Variants in ERMP1 observed in about 807,000 individuals in gnomAD.
ERMP1 encodes Felix-ina.
A neutral mutation model predicts 92.0 loss-of-function variants in ERMP1; 86 were observed. The observed-to-expected ratio is 0.93, with a 90% CI of 0.79 to 1.12. The LOEUF (loss-of-function observed/expected upper bound fraction) is 1.12, where lower values mean the gene tolerates loss of function less well. Among genes scored for constraint, ERMP1 ranks in the 50% most tolerant of loss-of-function variants. ERMP1 has a pLI of 0.00. For synonymous variants in ERMP1, 530 were observed against 412.8 expected (o/e 1.28, Z -3.44); for missense variants, 1,342 against 1,116.3 (o/e 1.20, Z -2.88).
chr9:5,861,712 G>T (rs530347408), intron 5 of ERMP1, among the ~76,000 whole-genome samples: 1 of 127,732 alleles, frequency 7.8e-6, no homozygotes, highest in Non-Finnish European at 1.6e-5. Flanking sequence ...GAGAAGAGAG[G>T]AAGGGTTTTT....
chr9:5,822,412 T>C (rs75256408), intron 4 of ERMP1, among the ~76,000 whole-genome samples: 1,752 of 152,296 alleles, frequency 0.012, 44 homozygotes, highest in African/African-American at 0.04. Context: ...TCTGACATCA[T>C]GACCTTGAGA....
At chr9:5,810,876 T>G (rs1161403990) in intron 7 of ERMP1, among the ~76,000 whole-genome samples, 2 of 152,218 alleles carry the variant, frequency 1.3e-5, no homozygotes, top group Non-Finnish European at 2.9e-5. Context: ...CATTTTTCAA[T>G]AGTTTCTATG....
At chr9:5,859,414 T>C (rs891546715) in intron 6 of ERMP1, among the ~76,000 whole-genome samples, 4 of 152,160 alleles carry the variant, frequency 2.6e-5, no homozygotes, top group African/African-American at 9.7e-5. Flanking sequence ...TTCAGATAAG[T>C]AAACACAGGC....
At chr9:5,824,154 G>A (rs183080281) in intron 3 of ERMP1, among the ~76,000 whole-genome samples, 153 bp from the exon 4 acceptor site, 2 of 152,342 alleles carry the variant, frequency 1.3e-5, no homozygotes, top group African/African-American at 2.4e-5. Flanking sequence ...GACATCTTCT[G>A]CTTCTTTTCC....
chr9:5,830,898 T>C lies in ERMP1; in HGVS notation c.469A>G (p.Ile157Val). The change falls in exon 2 of 15, where the codon ATT (isoleucine) becomes GTT (valine). Residue 157 changes from isoleucine to valine, a missense_variant. Transcript: ENST00000339450. ...GTGGGCCGTTGTACATCTACTGAAA[T>C]CTTATGAAGGCTGTTGCTTTGCACT... is the stretch of plus-strand genomic sequence containing the variant. The part of the protein sequence containing the change: ...IEVQSNSLHK[I>V]SVDVQRPTGS... 1 of 1,614,134 alleles carries C rather than the reference T, an allele frequency of 6.2e-7. No homozygotes were observed. The highest frequency in any genetic ancestry group is 8.5e-7 in the Non-Finnish European group (1 of 1,180,010).
At chr9:5,835,024 T>TGTGA (rs1270876013), upstream of ERMP1, among the ~76,000 whole-genome samples, 3 of 133,742 alleles carry the variant, frequency 2.2e-5, no homozygotes, top group Non-Finnish European at 3.2e-5. Context: ...TGTGTGTGTG[T>TGTGA]GAAAGATCCT....
At position 5,805,796 on chromosome 9, in the gene ERMP1, G is replaced by A. The variant is rs923445076; in HGVS notation, c.1549-11C>T. ...CTGGGCACTGGCATTCTGAAAGAAAGAAAAATATACAAGTAGTCTCATTCA... is the reference window on the plus strand; with the variant it reads ...CTGGGCACTGGCATTCTGAAAGAAAAAAAAATATACAAGTAGTCTCATTCA... On this transcript the variant is annotated splice_polypyrimidine_tract_variant and intron_variant, in intron 8 of 14. Coordinates refer to ENST00000339450, the MANE Select transcript of ERMP1 (RefSeq NM_024896.3). The A allele has an allele frequency of 6.3e-7, 1 of 1,585,096 alleles. No homozygotes were observed. The highest frequency in any genetic ancestry group is 1.2e-5 in the South Asian group (1 of 86,216).
intron 8 of ERMP1, among the ~76,000 whole-genome samples, chr9:5,806,230 C>T (rs867153271): frequency 6.6e-6 from 1 of 152,126 alleles, no homozygotes; most frequent in Non-Finnish European, 1.5e-5. Context: ...AACTGCAGCA[C>T]CTTTAAAGCA....
intron 5 of ERMP1, among the ~76,000 whole-genome samples, chr9:5,861,168 GGGGTGTGTGTGTGTGT>G (rs1423504946): frequency 1.6e-4 from 19 of 117,636 alleles, no homozygotes; most frequent in Admixed American, 1.1e-3. Context: ...AATGGCTTAG[GGGGTGTGTGTGTGTGT>G]GTGTGTGTGT....
chr9:5,795,303 G>C (rs1406264085), intron 13 of ERMP1, among the ~76,000 whole-genome samples: 3 of 152,172 alleles, frequency 2.0e-5, no homozygotes, highest in African/African-American at 7.2e-5. Flanking sequence ...TCAGTGGTAA[G>C]AAACCAGAAG....
At chr9:5,839,087 G>A (rs763236429) in intron 6 of ERMP1, among the ~76,000 whole-genome samples, 1 of 152,124 alleles carries the variant, frequency 6.6e-6, no homozygotes, top group Non-Finnish European at 1.5e-5. Context: ...ATTCCAACAT[G>A]GATGTGATCC....
chr9:5,791,924 C>A (rs1012979889), intron 13 of ERMP1, among the ~76,000 whole-genome samples: 1 of 152,050 alleles, frequency 6.6e-6, no homozygotes, highest in Admixed American at 6.5e-5. Flanking sequence ...GTCAGTGTTA[C>A]AACAGATATA....
intron 6 of ERMP1, among the ~76,000 whole-genome samples, chr9:5,840,160 C>G (rs746156693): frequency 1.3e-5 from 2 of 152,058 alleles, no homozygotes; most frequent in South Asian, 2.1e-4. Context: ...GAGAATCACT[C>G]GAACCTGGGA....
At chr9:5,822,798 G>A (rs1324958979) in intron 4 of ERMP1, among the ~76,000 whole-genome samples, 1 of 152,098 alleles carries the variant, frequency 6.6e-6, no homozygotes, top group South Asian at 2.1e-4. Flanking sequence ...TGTTAATAAA[G>A]ACAATTAAAA....
chr9:5,787,411 AATG>A lies in ERMP1; in HGVS notation c.2550+16_2550+18del, dbSNP rs750195563. ...TGGGAACCTAATCAATGAAACAAAC[AATG>A]CTGGGAAATTGGCACCTGCACTTCT... On this transcript the variant is annotated intron_variant, in intron 14 of 14. Coordinates refer to ENST00000339450, the MANE Select transcript of ERMP1 (RefSeq NM_024896.3). The A allele has an allele frequency of 2.0e-5, 32 of 1,610,142 alleles. No individual in the cohort carries two copies. Among genetic ancestry groups the A allele is most frequent in the Non-Finnish European group, 2.5e-5 (29 of 1,178,446 alleles).
intron 4 of ERMP1, among the ~76,000 whole-genome samples, chr9:5,822,071 TGGCC>T: frequency 6.6e-6 from 1 of 151,900 alleles, no homozygotes; most frequent in Non-Finnish European, 1.5e-5. Context: ...CTGGGCAACA[TGGCC>T]AAACCCCATC....
intron 8 of ERMP1, among the ~76,000 whole-genome samples, chr9:5,808,550 A>G (rs891123862): frequency 4.6e-5 from 7 of 152,280 alleles, no homozygotes; most frequent in Middle Eastern, 3.4e-3. Context: ...CCAAAGACAT[A>G]CTTGTGGAAG....
At position 5,812,177 on chromosome 9, in the gene ERMP1, G is replaced by A. The variant is rs779056114; in HGVS notation, c.1062C>T (p.His354=). The change falls in exon 6 of 15, where the codon CAC becomes CAT. Residue 354 remains histidine, a synonymous_variant. Transcript: ENST00000339450. ...TTCTGTCCGCTGTGTCATACTTGGT[G>A]TGATAAATGTATCCATTCTCAATAA... ...LAFIENGYIY[H]TKYDTADRIL... is the part of the protein sequence containing the mutation. The A allele has an allele frequency of 3.1e-6, 5 of 1,609,686 alleles. No individual in the cohort carries two copies. The Admixed American group carries it at 6.7e-5, about 22-fold the overall frequency.
chr9:5,805,720 A>G lies in ERMP1; in HGVS notation c.1614T>C (p.Phe538=). The part of the protein sequence containing the change: ...FDISLFVHCC[F]LVTLTYQGLC... ...GTCCTTGGTAAGTGAGGGTAACAAGAAAACAGCAATGGACAAACAGCGAAA... is the reference window on the plus strand; with the variant it reads ...GTCCTTGGTAAGTGAGGGTAACAAGGAAACAGCAATGGACAAACAGCGAAA... The change falls in exon 9 of 15, where the codon TTT becomes TTC. Residue 538 remains phenylalanine (F), a synonymous_variant. Coordinates refer to ENST00000339450, the MANE Select transcript of ERMP1 (RefSeq NM_024896.3). The G allele has an allele frequency of 6.2e-7, 1 of 1,613,512 alleles. No homozygotes were observed. The highest frequency in any genetic ancestry group is 8.5e-7 in the Non-Finnish European group (1 of 1,179,804).
Sources: allele counts gnomAD v4.1 joint callset (sites outside exome capture counted in the v4.1 genomes callset), GRCh38; gene constraint gnomAD v4.1.1; transcripts MANE v1.5; gene names NCBI Gene and HGNC (gene_info 2026-07-23, HGNC 2026-07-21).